The following NECAB2 variants were observed in gnomAD, a reference collection of about 807,000 sequenced individuals.
The protein encoded by NECAB2 is N-terminal EF-hand calcium-binding protein 2.
In NECAB2, 68 loss-of-function variants were observed where a neutral mutation model predicts 51.9. The ratio of observed to expected loss-of-function variants is 1.31; its 90% CI spans 1.08 to 1.60. The LOEUF (loss-of-function observed/expected upper bound fraction) is 1.60. Among genes scored for constraint, NECAB2 ranks in the 40% most tolerant of loss-of-function variants. The pLI, the probability that NECAB2 is intolerant of heterozygous loss-of-function variation, is 0.00. For synonymous variants in NECAB2, 329 were observed against 203.5 expected, an observed-to-expected ratio of 1.62 and a Z score of -5.25; for missense variants, 854 against 490.3, an observed-to-expected ratio of 1.74 and a Z score of -7.00.
chr16:83,990,025 G>C (rs886967422), intron 5 of NECAB2, among the ~76,000 whole-genome samples: 4 of 152,146 alleles, frequency 2.6e-5, no homozygotes, highest in Non-Finnish European at 5.9e-5. Context: ...GAAGGAGGGA[G>C]GGAAGGTCGT....
Position 83,968,781 on chromosome 16 carries a change from C to T in NECAB2, c.133C>T (p.Leu45=). 2.7e-6 allele frequency: 3 copies of T among 1,110,046 alleles called. No individual in the cohort carries two copies. The highest frequency in any genetic ancestry group is 3.3e-6 in the Non-Finnish European group (3 of 911,612). The allele number at this position is 1,110,046 out of a possible 1,614,324, so 68.8% of individuals were successfully genotyped here. A position where few individuals can be genotyped will look rare whatever the true frequency, so the allele number is the denominator to read the frequency against. The change falls in exon 1 of 13, where the codon CTG becomes TTG. Residue 45 remains leucine (L), a synonymous_variant. Coordinates refer to ENST00000305202, the MANE Select transcript of NECAB2 (RefSeq NM_019065.3). The stretch of plus-strand genomic sequence containing the variant: ...CAGGATGGGCGAGCCCCGGGAGTCG[C>T]TGGCCCCCGCCGCCCCCGCGGACCC... ...GARMGEPRES[L]APAAPADPGP...
upstream of NECAB2, chr16:83,966,349 A>C: frequency 6.2e-6 from 2 of 324,130 alleles, no homozygotes; most frequent in African/African-American, 2.1e-5. Context: ...GCGTCTGAGG[A>C]CTCTGTGCTC....
Position 83,991,197 on chromosome 16 carries a change from G to A in NECAB2, c.596+567G>A, listed in dbSNP as rs190756231. 2.5e-3 allele frequency among the ~76,000 whole-genome samples: 374 copies of A among 152,022 alleles called. 3 individuals carry two copies. The highest frequency in any genetic ancestry group is 1.0e-3 in the Non-Finnish European group (69 of 67,976). The stretch of plus-strand genomic sequence containing the variant: ...GGGGTTTTGTCATGTTGGCCAGGCT[G>A]GTCTTGAACTCCTGGCCTCACGTGA... On this transcript the variant is annotated intron_variant, in intron 6 of 12. Transcript: ENST00000305202.
At chr16:83,965,879 A>G (rs1304378421), upstream of NECAB2, 4 of 1,612,840 alleles carry the variant, frequency 2.5e-6, no homozygotes, top group Non-Finnish European at 3.4e-6. Flanking sequence ...CACCTACCAG[A>G]GCACCCGCCA....
At position 84,000,435 on chromosome 16, in the gene NECAB2, A is replaced by G. The variant is rs113104782; in HGVS notation, c.963-289A>G. Reference sequence around the variant, plus strand: ...CCCCGCTACTTGGAAGGCTGAAGTGATTGTGCCACTGCACTCCAGCCTGGG... The same window carrying G: ...CCCCGCTACTTGGAAGGCTGAAGTGGTTGTGCCACTGCACTCCAGCCTGGG... On this transcript the variant is annotated intron_variant, in intron 10 of 12. Transcript: ENST00000305202. Among the ~76,000 whole-genome samples the G allele has an allele frequency of 5.5e-3, 840 of 152,276 alleles. 8 individuals are homozygous for G. Among genetic ancestry groups the G allele is most frequent in the African/African-American group, 0.019 (797 of 41,550 alleles).
chr16:83,968,942 C>A (rs2084319551), intron 1 of NECAB2, 93 bp downstream of exon 1: 1 of 818,352 alleles, frequency 1.2e-6, no homozygotes, highest in Non-Finnish European at 1.5e-6. Context: ...CCGCGACCCG[C>A]GAGGCCCTCC....
At chr16:83,999,254 G>C (rs1259410837) in intron 10 of NECAB2, among the ~76,000 whole-genome samples, 1 of 149,102 alleles carries the variant, frequency 6.7e-6, no homozygotes, top group Non-Finnish European at 1.5e-5. Flanking sequence ...CCATTCTTGA[G>C]TAAGTAGCCA....
At chr16:83,997,108 G>A (rs1408672210) in intron 8 of NECAB2, 108 bp from the exon 9 acceptor site, 5 of 1,328,364 alleles carry the variant, frequency 3.8e-6, no homozygotes, top group African/African-American at 2.9e-5. Flanking sequence ...GTGCAACAGG[G>A]CCGGGTCCTT....
intron 2 of NECAB2, among the ~76,000 whole-genome samples, chr16:83,977,662 A>G (rs1297956453): frequency 1.3e-5 from 2 of 152,114 alleles, no homozygotes; most frequent in African/African-American, 4.8e-5. Context: ...TGGCACCTCC[A>G]GGCCTGGCAC....
intron 8 of NECAB2, among the ~76,000 whole-genome samples, chr16:83,995,148 G>A (rs1181002768): frequency 6.6e-6 from 1 of 152,212 alleles, no homozygotes; most frequent in African/African-American, 2.4e-5. Context: ...GTGTGATATG[G>A]GACGTCCACA....
At chr16:84,000,898 C>A (rs535148920) in intron 11 of NECAB2, 97 bp downstream of exon 11, 10 of 1,216,012 alleles carry the variant, frequency 8.2e-6, no homozygotes, top group Non-Finnish European at 1.2e-5. Context: ...AGGGTAAGGC[C>A]GAGTCCAGTC....
chr16:84,002,003 C>G (rs1311473976), intron 12 of NECAB2, 87 bp downstream of exon 12: 3 of 1,416,342 alleles, frequency 2.1e-6, no homozygotes, highest in Non-Finnish European at 2.9e-6. Context: ...CTCCCGGGGA[C>G]TTGCCTGCTT....
chr16:83,999,721 G>A (rs530264678), intron 10 of NECAB2, among the ~76,000 whole-genome samples: 4 of 152,182 alleles, frequency 2.6e-5, no homozygotes, highest in East Asian at 3.9e-4. Context: ...AGAGCAATGG[G>A]GGACTTGCCT....
At chr16:83,987,140 C>T (rs1317648315) in intron 5 of NECAB2, among the ~76,000 whole-genome samples, 4 of 152,130 alleles carry the variant, frequency 2.6e-5, no homozygotes, top group African/African-American at 9.7e-5. Flanking sequence ...AACAAAGTAG[C>T]TCCTGAATAA....
intron 2 of NECAB2, among the ~76,000 whole-genome samples, chr16:83,974,189 C>A (rs1211497861): frequency 6.6e-6 from 1 of 152,134 alleles, no homozygotes; most frequent in Non-Finnish European, 1.5e-5. Context: ...GTGTGAGATG[C>A]GGGTTCCAGC....
chr16:83,998,852 C>G (rs1195806068), intron 10 of NECAB2, among the ~76,000 whole-genome samples: 1 of 152,214 alleles, frequency 6.6e-6, no homozygotes, highest in Admixed American at 6.5e-5. Flanking sequence ...GCCTTACCTT[C>G]AAATTCCTGT....
chr16:83,966,809 C>A (rs527955625), upstream of NECAB2, among the ~76,000 whole-genome samples: 24 of 152,326 alleles, frequency 1.6e-4, no homozygotes, highest in African/African-American at 5.3e-4. Context: ...TGACACAAAC[C>A]CCTCCACTGC....
intron 11 of NECAB2, among the ~76,000 whole-genome samples, chr16:84,001,419 A>C (rs2084831888): frequency 6.6e-6 from 1 of 152,280 alleles, no homozygotes; most frequent in East Asian, 1.9e-4. Flanking sequence ...CAGTGGGAAC[A>C]GGGGCGGTCA....
chr16:83,969,296 A>C, intron 1 of NECAB2, among the ~76,000 whole-genome samples: 1 of 149,394 alleles, frequency 6.7e-6, no homozygotes, highest in Non-Finnish European at 1.5e-5. Flanking sequence ...CCTCTAGCCC[A>C]CCTCTCTTCG....
Sources: allele counts gnomAD v4.1 joint callset (sites outside exome capture counted in the v4.1 genomes callset), GRCh38; gene constraint gnomAD v4.1.1; transcripts MANE v1.5; gene names NCBI Gene and HGNC (gene_info 2026-07-23, HGNC 2026-07-21).